LRMDA: variants seen among roughly 807,000 people sequenced by gnomAD.
The protein encoded by LRMDA is leucine rich melanocyte differentiation associated.
A neutral mutation model predicts 29.8 loss-of-function variants in LRMDA; 18 were observed. That is an observed-to-expected ratio of 0.60 (90% CI 0.42 to 0.90). The LOEUF (loss-of-function observed/expected upper bound fraction) is 0.90, where lower values mean the gene tolerates loss of function less well. Ranked by LOEUF, LRMDA falls within the 40% of genes least tolerant of loss-of-function variation. The probability of loss-of-function intolerance (pLI) is 0.00; values close to 1 mark genes in which losing one functional copy is unlikely to be tolerated. For synonymous variants in LRMDA, 125 were observed against 109.4 expected, an observed-to-expected ratio of 1.14 and a Z score of -0.89; for missense variants, 273 against 273.9, an observed-to-expected ratio of 1.00 and a Z score of 0.02.
At chr10:75,661,572 T>G (rs1374306528) in intron 2 of LRMDA, among the ~76,000 whole-genome samples, 1 of 152,208 alleles carries the variant, frequency 6.6e-6, no homozygotes, top group East Asian at 1.9e-4. Context: ...CCTGGAGATG[T>G]GATAAGAGAG....
At chr10:75,500,819 C>T (rs1419953375) in intron 2 of LRMDA, among the ~76,000 whole-genome samples, 1 of 152,152 alleles carries the variant, frequency 6.6e-6, no homozygotes, top group African/African-American at 2.4e-5. Flanking sequence ...GAAAGCCACC[C>T]CTATGATCCA....
intron 2 of LRMDA, among the ~76,000 whole-genome samples, chr10:75,667,259 G>T (rs1589151502): frequency 6.6e-6 from 1 of 151,554 alleles, no homozygotes; most frequent in Non-Finnish European, 1.5e-5. Flanking sequence ...TATGAACATA[G>T]GTTAAAATGG....
intron 5 of LRMDA, among the ~76,000 whole-genome samples, chr10:76,297,154 T>C (rs1840421123): frequency 6.6e-6 from 1 of 152,240 alleles, no homozygotes; most frequent in Non-Finnish European, 1.5e-5. Context: ...TTGCAATAAA[T>C]GTTATCTTAA....
chr10:75,636,156 A>T lies in LRMDA; in HGVS notation c.131+197662A>T, dbSNP rs541405083. On this transcript the variant is annotated intron_variant, in intron 2 of 6. Coordinates refer to ENST00000611255, the MANE Select transcript of LRMDA (RefSeq NM_001305581.2). ...ACCTATGTGTAGGTACAGGAAAAAG[A>T]GTTGAAGGAAGTACATCAGTTATTC... Among the ~76,000 whole-genome samples the T allele has an allele frequency of 9.8e-5, 15 of 152,352 alleles. No homozygotes were observed. The South Asian group carries it at 3.1e-3, about 32-fold the overall frequency.
chr10:76,408,553 G>A (rs7084110), intron 6 of LRMDA, among the ~76,000 whole-genome samples: 65,171 of 151,920 alleles, frequency 0.43, 14,921 homozygotes, highest in Middle Eastern at 0.6. Flanking sequence ...TCCTTCAGGT[G>A]CCAGGGCAGA....
chr10:76,311,851 C>T (rs1840633621), intron 5 of LRMDA, among the ~76,000 whole-genome samples: 2 of 152,144 alleles, frequency 1.3e-5, no homozygotes, highest in African/African-American at 4.8e-5. Context: ...GTTAGCAGGG[C>T]AAGATGACCA....
intron 6 of LRMDA, among the ~76,000 whole-genome samples, chr10:76,523,612 G>C (rs765353084): frequency 6.6e-6 from 1 of 152,080 alleles, no homozygotes; most frequent in Non-Finnish European, 1.5e-5. Flanking sequence ...AAAGGGGGGT[G>C]GGAAGGGAGG....
chr10:75,984,588 G>A (rs1436600777), intron 2 of LRMDA, among the ~76,000 whole-genome samples: 5 of 152,214 alleles, frequency 3.3e-5, no homozygotes, highest in East Asian at 1.9e-4. Context: ...TCTTTTGTCC[G>A]TGGCCCTGTG....
intron 6 of LRMDA, among the ~76,000 whole-genome samples, chr10:76,377,085 C>G (rs1285548576): frequency 6.6e-6 from 1 of 151,660 alleles, no homozygotes; most frequent in African/African-American, 2.4e-5. Context: ...CAGGGTTTCA[C>G]CGTGTTAGCC....
At chr10:76,467,189 T>G (rs1051771000) in intron 6 of LRMDA, among the ~76,000 whole-genome samples, 13 of 152,210 alleles carry the variant, frequency 8.5e-5, no homozygotes, top group African/African-American at 3.1e-4. Flanking sequence ...AAACGTGAAT[T>G]AAGTGTGGCT....
chr10:76,481,993 C>T (rs1053437714), intron 6 of LRMDA, among the ~76,000 whole-genome samples: 1 of 151,874 alleles, frequency 6.6e-6, no homozygotes, highest in Admixed American at 6.6e-5. Context: ...AGATTTCCTT[C>T]AGGAACCTCC....
rs12247259 is a variant in LRMDA, at chr10:75,532,096, G to C, written c.131+93602G>C. 9.7e-3 allele frequency among the ~76,000 whole-genome samples: 1,442 copies of C among 149,338 alleles called. 17 individuals are homozygous for C. The highest frequency in any genetic ancestry group is 0.028 in the Middle Eastern group (8 of 282). Reference sequence around the variant, plus strand: ...AAAAAAAGGAAAGAGCCAGTGAGCAGTACAAGGGGGTGTTTAAAAATTTTC... The same window carrying C: ...AAAAAAAGGAAAGAGCCAGTGAGCACTACAAGGGGGTGTTTAAAAATTTTC... On this transcript the variant is annotated intron_variant, in intron 2 of 6. Transcript: ENST00000611255.
At position 76,036,075 on chromosome 10, in the gene LRMDA, G is replaced by A. The variant is rs1179955059; in HGVS notation, c.199G>A (p.Asp67Asn). The A allele has an allele frequency of 1.2e-6, 2 of 1,614,096 alleles. No homozygotes were observed. The highest frequency in any genetic ancestry group is 1.7e-6 in the Non-Finnish European group (2 of 1,180,030). The part of the protein sequence containing the change: ...ELILDNNQLG[D>N]DLVLPGLPRL... ...CATCTTGGACAACAATCAGCTGGGGGACGACCTTGTGTTGCCAGGGTTACC... is the reference window on the plus strand; with the variant it reads ...CATCTTGGACAACAATCAGCTGGGGAACGACCTTGTGTTGCCAGGGTTACC... The change falls in exon 3 of 7, where the codon GAC (aspartate) becomes AAC (asparagine). Residue 67 changes from aspartate (D) to asparagine (N), a missense_variant. Asp to Asn is a conservative substitution (Grantham distance 23). Transcript: ENST00000611255.
chr10:75,945,877 T>A (rs973737483), intron 2 of LRMDA, among the ~76,000 whole-genome samples: 9 of 152,048 alleles, frequency 5.9e-5, no homozygotes, highest in African/African-American at 1.7e-4. Context: ...GATGGGGAAA[T>A]AAGTTCAGAG....
intron 5 of LRMDA, among the ~76,000 whole-genome samples, chr10:76,263,281 T>A (rs573120669): frequency 4.3e-4 from 66 of 151,880 alleles, no homozygotes; most frequent in East Asian, 9.7e-4. Context: ...CTTTTTTTTT[T>A]AAAAAAAGAT....
chr10:75,980,125 C>T (rs758764694), intron 2 of LRMDA, among the ~76,000 whole-genome samples: 2 of 152,188 alleles, frequency 1.3e-5, no homozygotes, highest in Non-Finnish European at 2.9e-5. Context: ...GACTTGAGGT[C>T]TTCACTCAAA....
intron 2 of LRMDA, among the ~76,000 whole-genome samples, chr10:75,815,192 C>T (rs1329000277): frequency 6.6e-6 from 1 of 152,208 alleles, no homozygotes; most frequent in East Asian, 1.9e-4. Context: ...ACAGGATCCA[C>T]ACAGGCATAT....
chr10:76,084,879 C>T (rs1045268565), intron 5 of LRMDA, among the ~76,000 whole-genome samples: 1 of 152,212 alleles, frequency 6.6e-6, no homozygotes, highest in Non-Finnish European at 1.5e-5. Flanking sequence ...CTACAATTTA[C>T]TTCTCTTAGG....
At chr10:75,618,694 A>T (rs1417545623) in intron 2 of LRMDA, among the ~76,000 whole-genome samples, 5 of 150,336 alleles carry the variant, frequency 3.3e-5, no homozygotes, top group Admixed American at 3.3e-4. Flanking sequence ...TATTTTGTAT[A>T]TATATTATAT....
Sources: gnomAD v4.1 joint callset for allele counts (sites outside exome capture counted in the v4.1 genomes callset) on GRCh38, gnomAD v4.1.1 for gene constraint, MANE v1.5 for transcripts, NCBI Gene and HGNC (gene_info 2026-07-23, HGNC 2026-07-21) for gene names.